REV3L: variants seen among roughly 807,000 people sequenced by gnomAD.
The protein encoded by REV3L is DNA polymerase zeta catalytic subunit.
In REV3L, 69 loss-of-function variants were observed where a neutral mutation model predicts 299.4. That is an observed-to-expected ratio of 0.23 (90% CI 0.19 to 0.28). REV3L has a LOEUF of 0.28. Among genes scored for constraint, REV3L ranks in the 10% least tolerant of loss-of-function variants. The probability of loss-of-function intolerance (pLI) is 1.00; values close to 1 mark genes in which losing one functional copy is unlikely to be tolerated. For synonymous variants in REV3L, 1,238 were observed against 1,271.4 expected, an observed-to-expected ratio of 0.97 and a Z score of 0.56; for missense variants, 3,128 against 3,693.8, an observed-to-expected ratio of 0.85 and a Z score of 3.97.
At chr6:111,363,645 G>T (rs1778920823) in intron 16 of REV3L, among the ~76,000 whole-genome samples, 1 of 152,030 alleles carries the variant, frequency 6.6e-6, no homozygotes, top group Non-Finnish European at 1.5e-5. Flanking sequence ...AAATCACAAA[G>T]CAGTCTCAGC....
intron 1 of REV3L, among the ~76,000 whole-genome samples, chr6:111,461,238 GAC>G (rs1394400210): frequency 2.6e-5 from 4 of 152,066 alleles, no homozygotes; most frequent in Non-Finnish European, 5.9e-5. Flanking sequence ...GGAAGTGGAA[GAC>G]AGTGATATTT....
chr6:111,418,798 T>C (rs1182271597), intron 1 of REV3L, among the ~76,000 whole-genome samples: 1 of 152,204 alleles, frequency 6.6e-6, no homozygotes, highest in African/African-American at 2.4e-5. Context: ...TGGCAAAAAC[T>C]CTTAGGGAGG....
chr6:111,372,461 A>G, intron 13 of REV3L, 135 bp downstream of exon 13: 2 of 589,814 alleles, frequency 3.4e-6, no homozygotes, highest in Admixed American at 7.5e-5. Context: ...TGATATACTT[A>G]CAAATACGGT....
chr6:111,347,291 A>AAT (rs1037889372), intron 20 of REV3L, among the ~76,000 whole-genome samples: 21 of 150,544 alleles, frequency 1.4e-4, no homozygotes, highest in Admixed American at 3.3e-4. Flanking sequence ...AATAAAAAAA[A>AAT]ATATATATAT....
At chr6:111,414,033 G>A (rs1179381074) in intron 2 of REV3L, among the ~76,000 whole-genome samples, 1 of 152,040 alleles carries the variant, frequency 6.6e-6, no homozygotes, top group Non-Finnish European at 1.5e-5. Context: ...AACAGTTATT[G>A]AGTCATCTCA....
rs1408824278 is a variant in REV3L at position 111,389,263 on chromosome 6, A to C, written c.758-53T>G. The C allele has an allele frequency of 5.4e-6, 7 of 1,301,454 alleles. No individual in the cohort carries two copies. The African/African-American group carries it at 8.9e-5, about 17-fold the overall frequency. 80.6% of individuals were successfully genotyped at this position (1,301,454 alleles called of 1,614,324 possible). A position where few individuals can be genotyped will look rare whatever the true frequency, so the allele number is the denominator to read the frequency against. ...ACAGGGTCAAAGTAAGAAATGCCTA[A>C]AAAATCTAAACTTTTCTTTAACAAA... On this transcript the variant is annotated intron_variant, in intron 6 of 31. Transcript: ENST00000368802.
intron 22 of REV3L, among the ~76,000 whole-genome samples, chr6:111,335,157 A>G (rs1320173227): frequency 6.6e-6 from 1 of 152,136 alleles, no homozygotes; most frequent in Non-Finnish European, 1.5e-5. Context: ...GCCAAAATTA[A>G]AAATGTAAAA....
intron 1 of REV3L, among the ~76,000 whole-genome samples, chr6:111,470,883 G>C (rs1435562439): frequency 6.6e-6 from 1 of 150,708 alleles, no homozygotes; most frequent in Non-Finnish European, 1.5e-5. Flanking sequence ...GGGAGGCTGA[G>C]GCAGGAGAAT....
chr6:111,407,230 T>C (rs1475892457), intron 3 of REV3L, among the ~76,000 whole-genome samples: 1 of 152,076 alleles, frequency 6.6e-6, no homozygotes, highest in Non-Finnish European at 1.5e-5. Flanking sequence ...TTAGAAGCTC[T>C]AGAGAGAAAT....
intron 25 of REV3L, among the ~76,000 whole-genome samples, chr6:111,323,056 T>G (rs948217219): frequency 1.3e-5 from 2 of 152,122 alleles, no homozygotes; most frequent in East Asian, 3.9e-4. Context: ...TGGCACAATC[T>G]TGGCTCACTG....
intron 4 of REV3L, among the ~76,000 whole-genome samples, chr6:111,399,705 A>G (rs1782891264): frequency 6.6e-6 from 1 of 152,164 alleles, no homozygotes; most frequent in African/African-American, 2.4e-5. Context: ...AGAATATCAC[A>G]CAGGCGAAGT....
chr6:111,443,182 CAG>C (rs1788472688), intron 1 of REV3L, among the ~76,000 whole-genome samples: 1 of 151,468 alleles, frequency 6.6e-6, no homozygotes, highest in African/African-American at 2.4e-5. Context: ...TTTTCTCAGA[CAG>C]AGTCTTTCTC....
Position 111,466,487 on chromosome 6 carries a change from G to A in REV3L, c.139+16263C>T, listed in dbSNP as rs561749318. Among the ~76,000 whole-genome samples the A allele has an allele frequency of 2.0e-5, 3 of 152,244 alleles. 1 individual carries two copies. The highest frequency in any genetic ancestry group is 7.2e-5 in the African/African-American group (3 of 41,556). On this transcript the variant is annotated intron_variant, in intron 1 of 31. Transcript: ENST00000368802. ...TATCAGTTTAATACCAGCTTTTCAG[G>A]AGGGAAAATTACTGTATTAAATGTA... is the stretch of plus-strand genomic sequence containing the variant.
chr6:111,310,144 G>A (rs765789545), intron 29 of REV3L, 45 bp from the exon 30 acceptor site: 2 of 1,456,720 alleles, frequency 1.4e-6, no homozygotes, highest in South Asian at 1.6e-5. Context: ...TACTGTTATG[G>A]AAGCCATCTT....
intron 13 of REV3L, among the ~76,000 whole-genome samples, chr6:111,369,538 T>C (rs1401738981): frequency 1.3e-5 from 2 of 151,972 alleles, no homozygotes; most frequent in East Asian, 1.9e-4. Flanking sequence ...AGTGGCAAAA[T>C]TGCAAACAAC....
intron 1 of REV3L, among the ~76,000 whole-genome samples, chr6:111,420,826 C>T (rs890673486): frequency 2.6e-5 from 4 of 152,096 alleles, no homozygotes; most frequent in South Asian, 2.1e-4. Context: ...TCATCTTTCA[C>T]GGAACCCAGA....
intron 26 of REV3L, among the ~76,000 whole-genome samples, chr6:111,320,798 C>T (rs1774080790): frequency 6.6e-6 from 1 of 152,138 alleles, no homozygotes; most frequent in South Asian, 2.1e-4. Context: ...TACAGGTGCA[C>T]ACCACCATGT....
chr6:111,482,683 C>T, intron 1 of REV3L, 67 bp downstream of exon 1: 2 of 1,038,026 alleles, frequency 1.9e-6, no homozygotes, highest in Non-Finnish European at 2.4e-6. Flanking sequence ...CGCGTGTGCG[C>T]GGCGGGGAGG....
intron 13 of REV3L, 50 bp downstream of exon 13, chr6:111,372,546 T>C (rs1294289295): frequency 6.7e-6 from 9 of 1,349,632 alleles, no homozygotes; most frequent in Non-Finnish European, 8.8e-6. Flanking sequence ...AGCATAATTT[T>C]ATATATCATA....
Sources: gnomAD v4.1 joint callset for allele counts (sites outside exome capture counted in the v4.1 genomes callset) on GRCh38, gnomAD v4.1.1 for gene constraint, MANE v1.5 for transcripts, NCBI Gene and HGNC (gene_info 2026-07-23, HGNC 2026-07-21) for gene names.